KCTD8: variants seen among roughly 807,000 people sequenced by gnomAD.
KCTD8 encodes the protein BTB/POZ domain-containing protein KCTD8.
In KCTD8, 27 loss-of-function variants were observed where a neutral mutation model predicts 31.5. The observed-to-expected ratio is 0.86, with a 90% CI of 0.63 to 1.18. The LOEUF is 1.18. Among genes scored for constraint, KCTD8 ranks in the 50% most tolerant of loss-of-function variants. The probability of loss-of-function intolerance (pLI) is 0.00; values close to 1 mark genes in which losing one functional copy is unlikely to be tolerated. For missense variants in KCTD8, 658 were observed against 647.7 expected (o/e 1.02, Z -0.17); for synonymous variants, 290 against 280.0 (o/e 1.04, Z -0.36).
intron 1 of KCTD8, among the ~76,000 whole-genome samples, chr4:44,182,171 G>T (rs1010365300): frequency 1.3e-3 from 197 of 151,326 alleles, no homozygotes; most frequent in Non-Finnish European, 2.2e-3. Context: ...AGGGAGGTGG[G>T]GGGGCGCCTC....
At chr4:44,199,502 C>T (rs989162784) in intron 1 of KCTD8, among the ~76,000 whole-genome samples, 3 of 152,010 alleles carry the variant, frequency 2.0e-5, no homozygotes, top group African/African-American at 7.2e-5. Flanking sequence ...CCAATAAGAC[C>T]TCTCAAAACT....
At chr4:44,254,713 G>A (rs1715943737) in intron 1 of KCTD8, among the ~76,000 whole-genome samples, 1 of 151,822 alleles carries the variant, frequency 6.6e-6, no homozygotes, top group African/African-American at 2.4e-5. Context: ...CTATCAGGGT[G>A]AGACTTCATA....
At chr4:44,366,816 T>C (rs1719651556) in intron 1 of KCTD8, among the ~76,000 whole-genome samples, 1 of 152,108 alleles carries the variant, frequency 6.6e-6, no homozygotes, top group African/African-American at 2.4e-5. Context: ...GTCCTAGAAA[T>C]CCCACCGTAT....
At chr4:44,277,381 C>T (rs1254597119) in intron 1 of KCTD8, among the ~76,000 whole-genome samples, 2 of 151,662 alleles carry the variant, frequency 1.3e-5, no homozygotes, top group Admixed American at 6.6e-5. Context: ...TTATCTAGGC[C>T]ATAAGATCCG....
chr4:44,330,868 T>C (rs1375700675), intron 1 of KCTD8, among the ~76,000 whole-genome samples: 2 of 151,846 alleles, frequency 1.3e-5, no homozygotes. Context: ...CTTCAATTAG[T>C]TTTCTGTTTG....
Position 44,272,160 on chromosome 4 carries a change from ACTG to A in KCTD8, c.962-96913_962-96911del, listed in dbSNP as rs1417899298. On this transcript the variant is annotated intron_variant, in intron 1 of 1. Coordinates refer to ENST00000360029, the MANE Select transcript of KCTD8 (RefSeq NM_198353.3). ...ATATATAAATGCTGAACCATAAGTA[ACTG>A]CTGTTTTTCAATATCCATCAAGTAT... is the stretch of plus-strand genomic sequence containing the variant. Among the ~76,000 whole-genome samples the A allele has an allele frequency of 9.0e-4, 128 of 142,830 alleles. 1 individual carries two copies. Among genetic ancestry groups the A allele is most frequent in the African/African-American group, 3.6e-3 (120 of 33,562 alleles). 93.7% of individuals were successfully genotyped at this position (142,830 alleles called of 152,430 possible). A position where few individuals can be genotyped will look rare whatever the true frequency, so the allele number is the denominator to read the frequency against.
intron 1 of KCTD8, among the ~76,000 whole-genome samples, chr4:44,356,912 T>C (rs939230689): frequency 6.6e-6 from 1 of 152,174 alleles, no homozygotes; most frequent in South Asian, 2.1e-4. Context: ...GCCTATGACA[T>C]AAGATTGGCC....
chr4:44,265,981 C>A (rs1716341559), intron 1 of KCTD8, among the ~76,000 whole-genome samples: 1 of 152,236 alleles, frequency 6.6e-6, no homozygotes, highest in Admixed American at 6.5e-5. Context: ...AGGATATTAT[C>A]CAGGAGAACT....
intron 1 of KCTD8, among the ~76,000 whole-genome samples, chr4:44,328,353 A>T (rs1445240549): frequency 6.6e-6 from 1 of 151,840 alleles, no homozygotes; most frequent in Non-Finnish European, 1.5e-5. Context: ...CTCTCCTAAC[A>T]CCTACTAAAT....
chr4:44,403,863 T>C (rs997915767), intron 1 of KCTD8, among the ~76,000 whole-genome samples: 8 of 152,198 alleles, frequency 5.3e-5, no homozygotes, highest in South Asian at 2.1e-4. Flanking sequence ...ATATGTTAGA[T>C]GATTAATATT....
intron 1 of KCTD8, among the ~76,000 whole-genome samples, chr4:44,379,019 T>C (rs143082323): frequency 1.3e-4 from 20 of 152,270 alleles, no homozygotes; most frequent in African/African-American, 4.3e-4. Context: ...GAGCATCTTC[T>C]AATCCCTCTC....
chr4:44,259,160 A>G (rs1024920549), intron 1 of KCTD8, among the ~76,000 whole-genome samples: 8 of 151,802 alleles, frequency 5.3e-5, no homozygotes, highest in Non-Finnish European at 1.0e-4. Flanking sequence ...TCTTCCCACT[A>G]TCTCCAAGCA....
intron 1 of KCTD8, among the ~76,000 whole-genome samples, chr4:44,433,775 C>T (rs888482191): frequency 3.3e-5 from 5 of 151,474 alleles, no homozygotes; most frequent in Admixed American, 1.3e-4. Context: ...AGGCCAGCTG[C>T]CAGTTGTCTG....
intron 1 of KCTD8, among the ~76,000 whole-genome samples, chr4:44,266,828 C>A (rs1477299705): frequency 6.6e-6 from 1 of 152,068 alleles, no homozygotes; most frequent in African/African-American, 2.4e-5. Context: ...GGGATCAATT[C>A]AACAAGAAGA....
chr4:44,270,547 T>G (rs1288689740), intron 1 of KCTD8, among the ~76,000 whole-genome samples: 2 of 151,504 alleles, frequency 1.3e-5, no homozygotes, highest in Admixed American at 6.6e-5. Context: ...ATAATAATAA[T>G]AATAAAAAAA....
intron 1 of KCTD8, among the ~76,000 whole-genome samples, chr4:44,316,195 TG>T (rs761060526): frequency 2.0e-4 from 31 of 152,306 alleles, no homozygotes; most frequent in Non-Finnish European, 3.4e-4. Flanking sequence ...TAATTTGTTC[TG>T]CTATATATCT....
At chr4:44,400,109 C>T (rs1720607875) in intron 1 of KCTD8, among the ~76,000 whole-genome samples, 1 of 152,138 alleles carries the variant, frequency 6.6e-6, no homozygotes, top group South Asian at 2.1e-4. Context: ...TCTGTTCACA[C>T]AAATTTGCAT....
intron 1 of KCTD8, among the ~76,000 whole-genome samples, chr4:44,303,374 T>C (rs1459510422): frequency 6.6e-6 from 1 of 152,114 alleles, no homozygotes; most frequent in Non-Finnish European, 1.5e-5. Context: ...TGGTAAGCTA[T>C]TGATTATTGC....
At chr4:44,324,087 A>G (rs1482590817) in intron 1 of KCTD8, among the ~76,000 whole-genome samples, 1 of 151,876 alleles carries the variant, frequency 6.6e-6, no homozygotes, top group Non-Finnish European at 1.5e-5. Flanking sequence ...AAAAAAAGGA[A>G]ACCAAATTTT....
Sources: gnomAD v4.1 joint callset for allele counts (sites outside exome capture counted in the v4.1 genomes callset) on GRCh38, gnomAD v4.1.1 for gene constraint, MANE v1.5 for transcripts, NCBI Gene and HGNC (gene_info 2026-07-23, HGNC 2026-07-21) for gene names.